RALGAPA1: variants seen among roughly 807,000 people sequenced by gnomAD.
RALGAPA1 encodes ral GTPase-activating protein subunit alpha-1.
A neutral mutation model predicts 269.6 loss-of-function variants in RALGAPA1; 52 were observed. The ratio of observed to expected loss-of-function variants is 0.19; its 90% CI spans 0.15 to 0.24. The LOEUF is 0.24. RALGAPA1 is among the 10% of genes least tolerant of loss of function. The pLI is 1.00. For synonymous variants in RALGAPA1, 817 were observed against 1,008.3 expected (o/e 0.81, Z 3.60); for missense variants, 1,917 against 3,013.9 (o/e 0.64, Z 8.52).
At chr14:35,685,565 G>T (rs535784293) in intron 19 of RALGAPA1, among the ~76,000 whole-genome samples, 4 of 152,232 alleles carry the variant, frequency 2.6e-5, no homozygotes, top group African/African-American at 9.6e-5. Context: ...GTATATAATG[G>T]AGTTATAGAG....
chr14:35,741,202 G>A, intron 11 of RALGAPA1, among the ~76,000 whole-genome samples: 1 of 151,724 alleles, frequency 6.6e-6, no homozygotes, highest in Non-Finnish European at 1.5e-5. Flanking sequence ...AATGATGTGG[G>A]GTAGGCTCAT....
rs377249804 is a variant in RALGAPA1, at chr14:35,552,122, TAAC to T, written c.7497-2891_7497-2889del. Among the ~76,000 whole-genome samples, 57 of 152,052 alleles carry T rather than the reference TAAC, an allele frequency of 3.7e-4. No individual in the cohort carries two copies. In the East Asian group the frequency reaches 8.3e-3, roughly 22 times the overall value. ...AGTTTGATGTAGCCAAATAAATAAATAACAACATGAAAACAAGCCAACCCAATC... is the reference window on the plus strand; with the variant it reads ...AGTTTGATGTAGCCAAATAAATAAATAACATGAAAACAAGCCAACCCAATC... On this transcript the variant is annotated intron_variant, in intron 39 of 41. Coordinates refer to ENST00000680220, the MANE Select transcript of RALGAPA1 (RefSeq NM_001346249.2).
intron 37 of RALGAPA1, among the ~76,000 whole-genome samples, chr14:35,576,956 T>A (rs2057604967): frequency 6.6e-6 from 1 of 152,230 alleles, no homozygotes; most frequent in Non-Finnish European, 1.5e-5. Flanking sequence ...CCACATTTCT[T>A]CAACTTGTCC....
At chr14:35,589,051 T>C (rs551560809) in intron 37 of RALGAPA1, among the ~76,000 whole-genome samples, 16 of 152,270 alleles carry the variant, frequency 1.1e-4, no homozygotes, top group African/African-American at 3.4e-4. Context: ...TCTAAAAAAG[T>C]TGAATTCATA....
At chr14:35,748,199 G>T (rs2072312451) in intron 10 of RALGAPA1, among the ~76,000 whole-genome samples, 1 of 151,666 alleles carries the variant, frequency 6.6e-6, no homozygotes, top group South Asian at 2.1e-4. Context: ...ATAAAGAATA[G>T]AAAATACTAG....
chr14:35,646,200 T>C (rs1236859774), intron 31 of RALGAPA1, among the ~76,000 whole-genome samples: 3 of 152,206 alleles, frequency 2.0e-5, no homozygotes, highest in Admixed American at 2.0e-4. Flanking sequence ...GTAAGAGTCA[T>C]TAATGATTAG....
At chr14:35,576,044 A>G (rs1450833473) in intron 37 of RALGAPA1, among the ~76,000 whole-genome samples, 1 of 152,188 alleles carries the variant, frequency 6.6e-6, no homozygotes, top group African/African-American at 2.4e-5. Flanking sequence ...GATCAGTCTA[A>G]TATATATCTT....
rs75593361 is a variant in RALGAPA1 at position 35,803,017 on chromosome 14, T to C, written c.106+5713A>G. On this transcript the variant is annotated intron_variant, in intron 1 of 41. Coordinates refer to ENST00000680220, the MANE Select transcript of RALGAPA1 (RefSeq NM_001346249.2). ...TAATCTTTAGACTCATATGGAAATG[T>C]AAAGGACCTGGCATTTGGGAAAAAA... Among the ~76,000 whole-genome samples the C allele has an allele frequency of 8.9e-3, 1,354 of 152,092 alleles. 13 individuals carry two copies. The highest frequency in any genetic ancestry group is 0.014 in the Non-Finnish European group (930 of 67,996).
At chr14:35,551,808 T>C (rs2055039900) in intron 39 of RALGAPA1, among the ~76,000 whole-genome samples, 2 of 152,182 alleles carry the variant, frequency 1.3e-5, no homozygotes, top group Admixed American at 6.5e-5. Context: ...ATTATCCAGA[T>C]ATAACATACT....
chr14:35,549,772 C>A (rs1341984893), intron 39 of RALGAPA1, among the ~76,000 whole-genome samples: 1 of 152,154 alleles, frequency 6.6e-6, no homozygotes, highest in East Asian at 1.9e-4. Context: ...CAATTGTTCT[C>A]ATTTTGAATG....
At chr14:35,790,676 A>G (rs932531746) in intron 1 of RALGAPA1, among the ~76,000 whole-genome samples, 3 of 146,560 alleles carry the variant, frequency 2.0e-5, no homozygotes, top group African/African-American at 5.2e-5. Context: ...TGACAAGAAG[A>G]GACTGTCTAA....
Position 35,804,248 on chromosome 14 carries a change from C to T in RALGAPA1, c.106+4482G>A, listed in dbSNP as rs551818754. Among the ~76,000 whole-genome samples, 215 of 143,816 alleles carry T rather than the reference C, an allele frequency of 1.5e-3. 1 individual carries two copies. The highest frequency in any genetic ancestry group is 9.2e-4 in the Non-Finnish European group (62 of 67,192). 94.3% of individuals were successfully genotyped at this position (143,816 alleles called of 152,430 possible). ...CTGCACTCTAGCCTGGGCGACAGAG[C>T]GAGACTCCATCTCAAAAACAAACAA... On this transcript the variant is annotated intron_variant, in intron 1 of 41. Coordinates refer to ENST00000680220, the MANE Select transcript of RALGAPA1 (RefSeq NM_001346249.2).
intron 31 of RALGAPA1, among the ~76,000 whole-genome samples, chr14:35,644,801 C>T (rs2062283243): frequency 6.6e-6 from 1 of 152,058 alleles, no homozygotes; most frequent in African/African-American, 2.4e-5. Flanking sequence ...TCAGGACAAA[C>T]AGCTAATGCA....
chr14:35,713,696 G>C, intron 16 of RALGAPA1, among the ~76,000 whole-genome samples: 1 of 152,122 alleles, frequency 6.6e-6, no homozygotes, highest in East Asian at 1.9e-4. Context: ...TAATACTAGA[G>C]CATATGGACA....
Position 35,627,959 on chromosome 14 carries a change from T to TA in RALGAPA1, c.5996-9dup, listed in dbSNP as rs757409526. 353 of 1,541,684 alleles carry TA rather than the reference T, an allele frequency of 2.3e-4. No individual in the cohort carries two copies. Among genetic ancestry groups the TA allele is most frequent in the Middle Eastern group, 1.7e-4 (1 of 5,730 alleles). On this transcript the variant is annotated splice_polypyrimidine_tract_variant and intron_variant, in intron 33 of 41. Coordinates refer to ENST00000680220, the MANE Select transcript of RALGAPA1 (RefSeq NM_001346249.2). Reference sequence around the variant, plus strand: ...GCTGCATTTGAGTTTTCACTGGAAATAAAAAATATAAATGAATGGGAATAT... The same window carrying TA: ...GCTGCATTTGAGTTTTCACTGGAAATAAAAAAATATAAATGAATGGGAATAT...
chr14:35,741,246 G>T (rs1268804289), intron 11 of RALGAPA1, among the ~76,000 whole-genome samples: 8 of 151,978 alleles, frequency 5.3e-5, no homozygotes, highest in Non-Finnish European at 1.0e-4. Flanking sequence ...AAAAGTCAGA[G>T]AAAACAAATT....
chr14:35,696,605 TAAA>T (rs34309134), intron 17 of RALGAPA1, among the ~76,000 whole-genome samples: 2 of 145,704 alleles, frequency 1.4e-5, no homozygotes, highest in African/African-American at 5.0e-5. Context: ...TTTGGTACGT[TAAA>T]AAAAAAAAAG....
At chr14:35,764,049 T>A (rs1364439323) in intron 4 of RALGAPA1, among the ~76,000 whole-genome samples, 2 of 152,084 alleles carry the variant, frequency 1.3e-5, no homozygotes, top group African/African-American at 4.8e-5. Context: ...TATTCAAGGT[T>A]TCCTTGTTTT....
chr14:35,706,075 C>T (rs557838487), intron 16 of RALGAPA1, among the ~76,000 whole-genome samples: 1 of 152,198 alleles, frequency 6.6e-6, no homozygotes, highest in East Asian at 1.9e-4. Flanking sequence ...AGATTTTCTC[C>T]CCATCTGTGA....
Sources: gnomAD v4.1 joint callset for allele counts (sites outside exome capture counted in the v4.1 genomes callset) on GRCh38, gnomAD v4.1.1 for gene constraint, MANE v1.5 for transcripts, NCBI Gene and HGNC (gene_info 2026-07-23, HGNC 2026-07-21) for gene names.